ENTPD5: variants seen among roughly 807,000 people sequenced by gnomAD.
ENTPD5 encodes nucleoside diphosphate phosphatase ENTPD5.
Under a neutral mutation model 60.2 loss-of-function variants are expected in ENTPD5, and 49 were observed. The observed-to-expected ratio is 0.81, with a 90% CI of 0.65 to 1.03. The LOEUF is 1.03. Ranked by LOEUF, ENTPD5 falls within the 50% of genes least tolerant of loss-of-function variation. The pLI, the probability that ENTPD5 is intolerant of heterozygous loss-of-function variation, is 0.00. For missense variants in ENTPD5, 480 were observed against 507.6 expected (o/e 0.95, Z 0.52); for synonymous variants, 187 against 185.4 (o/e 1.01, Z -0.07).
rs770776684 is a variant in ENTPD5, at chr14:73,977,283, T to A, written c.517+16A>T. The A allele has an allele frequency of 3.7e-6, 6 of 1,600,250 alleles. No homozygotes were observed. The East Asian group carries it at 1.3e-4, about 36-fold the overall frequency. ...TGCCCCTCTCCCCCTGGAACGCATA[T>A]CAACACCTCTCCCACCTTCGTCGGA... On this transcript the variant is annotated intron_variant, in intron 7 of 15. Coordinates refer to ENST00000334696, the MANE Select transcript of ENTPD5 (RefSeq NM_001249.5).
intron 2 of ENTPD5, among the ~76,000 whole-genome samples, chr14:74,013,934 G>C (rs374342566): frequency 6.6e-6 from 1 of 152,030 alleles, no homozygotes; most frequent in Non-Finnish European, 1.5e-5. Context: ...AAAAAATAGA[G>C]ACAGGGTCTT....
intron 3 of ENTPD5, among the ~76,000 whole-genome samples, chr14:73,995,043 G>A (rs1000115857): frequency 7.6e-6 from 1 of 131,498 alleles, no homozygotes; most frequent in African/African-American, 2.8e-5. Flanking sequence ...ACATAGCCAG[G>A]CAGAATTTTT....
intron 6 of ENTPD5, among the ~76,000 whole-genome samples, chr14:73,979,518 C>T (rs1008598055): frequency 1.3e-5 from 2 of 148,846 alleles, no homozygotes; most frequent in African/African-American, 4.9e-5. Flanking sequence ...GTCACCCAGG[C>T]TGGAGTGCAG....
intron 5 of ENTPD5, among the ~76,000 whole-genome samples, chr14:73,984,607 C>T (rs538262960): frequency 1.3e-5 from 2 of 152,302 alleles, no homozygotes; most frequent in South Asian, 4.1e-4. Flanking sequence ...TTAGCAACTA[C>T]AACACGATCA....
intron 5 of ENTPD5, 106 bp downstream of exon 5, chr14:73,986,708 C>A (rs1478976682): frequency 2.5e-6 from 2 of 799,708 alleles, no homozygotes; most frequent in Non-Finnish European, 4.3e-6. Context: ...TGATCTCACA[C>A]ATGATCTCAA....
chr14:73,973,770 C>G, intron 12 of ENTPD5, 107 bp downstream of exon 12: 1 of 914,322 alleles, frequency 1.1e-6, no homozygotes, highest in Admixed American at 2.0e-5. Flanking sequence ...GAATAAGTCC[C>G]TGCAACAAGA....
intron 5 of ENTPD5, among the ~76,000 whole-genome samples, chr14:73,983,871 A>G (rs547256569): frequency 1.3e-4 from 19 of 150,446 alleles, no homozygotes; most frequent in Non-Finnish European, 2.4e-4. Context: ...TTGTATTTTT[A>G]GTAGAGACAG....
At chr14:73,960,228 T>A (rs918465969), downstream of ENTPD5, 3 of 986,986 alleles carry the variant, frequency 3.0e-6, no homozygotes, top group African/African-American at 5.2e-5. Flanking sequence ...AGTAGATAGA[T>A]GTGGGTTCAA....
At chr14:73,969,212 G>A (rs1338039084) in intron 15 of ENTPD5, among the ~76,000 whole-genome samples, 3 of 152,172 alleles carry the variant, frequency 2.0e-5, no homozygotes, top group Admixed American at 6.5e-5. Context: ...TCCCATGACC[G>A]AACTTCAGCT....
chr14:73,977,819 G>T (rs900658326), intron 6 of ENTPD5, among the ~76,000 whole-genome samples: 2 of 152,162 alleles, frequency 1.3e-5, no homozygotes, highest in African/African-American at 4.8e-5. Flanking sequence ...GAGGTACTCT[G>T]CTACCAGCTC....
In ENTPD5 at chr14:73,971,845, C is replaced by CACTT; in HGVS notation, c.1084+3_1084+6dup. On this transcript the variant is annotated splice_region_variant and intron_variant, in intron 14 of 15. Transcript: ENST00000334696. ...GCTTACCTTCAAGGGCTTCCCCTGA[C>CACTT]ACTTACCTTCCCTGGCTTTTCTTTC... is the stretch of plus-strand genomic sequence containing the variant. 6.2e-7 allele frequency: 1 copy of CACTT among 1,602,570 alleles called. No homozygotes were observed. Among genetic ancestry groups the CACTT allele is most frequent in the South Asian group, 1.1e-5 (1 of 90,842 alleles).
At chr14:74,002,995 C>T (rs1446791893) in intron 3 of ENTPD5, among the ~76,000 whole-genome samples, 2 of 152,166 alleles carry the variant, frequency 1.3e-5, no homozygotes, top group African/African-American at 4.8e-5. Context: ...GTCCCCACTG[C>T]CTAGAAATTC....
At chr14:74,016,499 G>C (rs928072612) in intron 1 of ENTPD5, among the ~76,000 whole-genome samples, 4 of 152,144 alleles carry the variant, frequency 2.6e-5, no homozygotes, top group South Asian at 2.1e-4. Flanking sequence ...AGCCAGGCAT[G>C]GTGGTGCATG....
intron 1 of ENTPD5, chr14:74,018,506 G>A (rs2059133011): frequency 6.6e-6 from 1 of 152,150 alleles, no homozygotes; most frequent in Admixed American, 6.6e-5. Context: ...GACTCTCATT[G>A]AAAAATGAGA....
At chr14:73,979,005 A>AC in intron 6 of ENTPD5, among the ~76,000 whole-genome samples, 1 of 152,186 alleles carries the variant, frequency 6.6e-6, no homozygotes, top group East Asian at 1.9e-4. Context: ...CTCTGAGGTT[A>AC]CCGCCTCCTT....
downstream of ENTPD5, chr14:73,960,226 G>A: frequency 9.1e-6 from 9 of 987,230 alleles, no homozygotes; most frequent in Non-Finnish European, 1.1e-5. Context: ...TTAGTAGATA[G>A]ATGTGGGTTC....
chr14:73,974,782 T>C (rs994320969), intron 11 of ENTPD5, 142 bp downstream of exon 11: 15 of 697,404 alleles, frequency 2.2e-5, no homozygotes, highest in Non-Finnish European at 3.8e-5. Flanking sequence ...AGTTTGCCAT[T>C]ATTAGGTCCA....
chr14:73,987,940 C>G lies in ENTPD5; in HGVS notation c.163G>C (p.Ala55Pro). Residue 55 changes from alanine to proline, a missense_variant, in exon 4 of 16, where the codon GCA becomes CCA. Physicochemically the swap from Ala to Pro is conservative, Grantham distance 27. Coordinates refer to ENST00000334696, the MANE Select transcript of ENTPD5 (RefSeq NM_001249.5). The stretch of plus-strand genomic sequence containing the variant: ...TGAATTCGAGTTCCAGTGCTCCCTG[C>G]ATCAAACATAATTCCATACAAGGTG... The part of the protein sequence containing the change: ...ASTLYGIMFD[A>P]GSTGTRIHVY... 6.2e-7 allele frequency: 1 copy of G among 1,614,160 alleles called. No homozygotes were observed. The highest frequency in any genetic ancestry group is 1.3e-5 in the African/African-American group (1 of 75,048).
At chr14:74,007,810 G>A (rs2058726344) in intron 3 of ENTPD5, 1 of 149,334 alleles carries the variant, frequency 6.7e-6, no homozygotes, top group South Asian at 2.1e-4. Flanking sequence ...GACAGAGTGA[G>A]ACCTTGTGTT....
Sources: gnomAD v4.1 joint callset for allele counts (sites outside exome capture counted in the v4.1 genomes callset) on GRCh38, gnomAD v4.1.1 for gene constraint, MANE v1.5 for transcripts, NCBI Gene and HGNC (gene_info 2026-07-23, HGNC 2026-07-21) for gene names.